The following ACSS2 variants were observed in gnomAD, a reference collection of about 807,000 sequenced individuals.
ACSS2 encodes the protein acetyl-coenzyme A synthetase, cytoplasmic.
Under a neutral mutation model 90.6 loss-of-function variants are expected in ACSS2, and 58 were observed. The ratio of observed to expected loss-of-function variants is 0.64; its 90% confidence interval spans 0.52 to 0.80. The LOEUF is 0.80. ACSS2 is among the 30% of genes least tolerant of loss of function. The pLI, the probability that ACSS2 is intolerant of heterozygous loss-of-function variation, is 0.00. For missense variants in ACSS2, 759 were observed against 912.0 expected (o/e 0.83, Z 2.16); for synonymous variants, 300 against 330.9 (o/e 0.91, Z 1.01).
chr20:34,882,803 G>A lies in ACSS2; in HGVS notation c.188G>A (p.Gly63Glu). 6.2e-7 allele frequency: 1 copy of A among 1,612,222 alleles called. No homozygotes were observed. Among genetic ancestry groups the A allele is most frequent in the Non-Finnish European group, 8.5e-7 (1 of 1,179,484 alleles). Residue 63 changes from glycine (G) to glutamate (E), a missense_variant, in exon 2 of 18, where the codon GGA becomes GAA. Transcript: ENST00000360596. The stretch of plus-strand genomic sequence containing the variant: ...TCCATTTCTGTTGCAGAATTCTGGG[G>A]AGACATTGCCAAGGAATTTTACTGG... ...RSVEEPREFW[G>E]DIAKEFYWKT...
chr20:34,915,118 G>A, intron 7 of ACSS2: 1 of 1,292,442 alleles, frequency 7.7e-7, no homozygotes, highest in Non-Finnish European at 1.1e-6. Flanking sequence ...GAGGACCAGT[G>A]AGAAGGGAGT....
chr20:34,920,832 AG>A, intron 9 of ACSS2, 123 bp downstream of exon 9: 1 of 1,455,210 alleles, frequency 6.9e-7, no homozygotes, highest in Non-Finnish European at 9.3e-7. Context: ...CTGGAGAAAG[AG>A]AAGTCCTGAG....
intron 2 of ACSS2, among the ~76,000 whole-genome samples, chr20:34,894,905 G>A (rs2080426355): frequency 2.0e-5 from 3 of 152,122 alleles, no homozygotes; most frequent in Admixed American, 6.6e-5. Flanking sequence ...CCCAATTTTA[G>A]TTTATGTAAA....
chr20:34,901,977 A>C (rs1221355104), intron 2 of ACSS2, among the ~76,000 whole-genome samples: 1 of 152,234 alleles, frequency 6.6e-6, no homozygotes, highest in Non-Finnish European at 1.5e-5. Context: ...CTCCAGGGTC[A>C]GGAAACTCCT....
chr20:34,926,725 G>A (rs2147113885), intron 16 of ACSS2, 152 bp from the exon 17 acceptor site: 1 of 709,804 alleles, frequency 1.4e-6, no homozygotes, highest in Admixed American at 2.4e-5. Context: ...AGACAAGTGT[G>A]TTGAGAGCAA....
rs796944760 is a variant in ACSS2 at position 34,899,425 on chromosome 20, TC to T, written c.375-13669del. ...TTCCTTCTTTCTTTCTTTCTTTCTT[TC>T]CTTCCTTCCTTCCTTCCTTCCTTCC... On this transcript the variant is annotated intron_variant, in intron 2 of 17. Coordinates refer to ENST00000360596, the MANE Select transcript of ACSS2 (RefSeq NM_018677.4). Among the ~76,000 whole-genome samples the T allele has an allele frequency of 5.0e-3, 531 of 105,596 alleles. 3 individuals carry two copies. The highest frequency in any genetic ancestry group is 8.3e-3 in the Middle Eastern group (2 of 242). 69.3% of individuals were successfully genotyped at this position (105,596 alleles called of 152,430 possible).
At chr20:34,914,876 A>AC (rs1214818383) in intron 7 of ACSS2, among the ~76,000 whole-genome samples, 1 of 151,770 alleles carries the variant, frequency 6.6e-6, no homozygotes, top group East Asian at 1.9e-4. Context: ...TTAGCTTTGG[A>AC]CCCCCAGGCT....
intron 2 of ACSS2, among the ~76,000 whole-genome samples, chr20:34,885,736 C>T (rs772172220): frequency 3.3e-5 from 5 of 152,154 alleles, no homozygotes. Context: ...CTATTGATAT[C>T]ACAAGAAGCA....
intron 2 of ACSS2, among the ~76,000 whole-genome samples, chr20:34,907,361 A>G (rs1206282499): frequency 6.6e-6 from 1 of 152,144 alleles, no homozygotes; most frequent in East Asian, 1.9e-4. Flanking sequence ...CAAGTGATCT[A>G]CCCACCTCAG....
intron 2 of ACSS2, among the ~76,000 whole-genome samples, chr20:34,885,915 G>A (rs1000920583): frequency 1.3e-5 from 2 of 148,360 alleles, no homozygotes; most frequent in Admixed American, 6.6e-5. Context: ...GCTGCATTAG[G>A]CATTATGGAT....
intron 2 of ACSS2, among the ~76,000 whole-genome samples, chr20:34,901,807 C>T (rs920304150): frequency 6.6e-6 from 1 of 152,154 alleles, no homozygotes. Context: ...CAGGGTTACC[C>T]TGGCCCAACC....
chr20:34,923,423 C>T lies in ACSS2; in HGVS notation c.1649C>T (p.Thr550Ile). 1 of 1,613,328 alleles carries T rather than the reference C, an allele frequency of 6.2e-7. No individual in the cohort carries two copies. ...AAGAAGTTTCCTGGATACTATGTTA[C>T]AGGAGATGGTGAGCCTTAGCTATCC... ...YFKKFPGYYVTGDGCQRDQDG... is the reference protein window; with the variant it reads ...YFKKFPGYYVIGDGCQRDQDG... Residue 550 changes from threonine to isoleucine, a missense_variant, in exon 14 of 18, where the codon ACA (threonine) becomes ATA (isoleucine). Thr to Ile is a moderately conservative substitution (Grantham distance 89). Transcript: ENST00000360596.
intron 2 of ACSS2, among the ~76,000 whole-genome samples, chr20:34,883,479 T>C (rs1389473441): frequency 6.6e-6 from 1 of 152,176 alleles, no homozygotes; most frequent in Non-Finnish European, 1.5e-5. Context: ...TTCTGAGAAG[T>C]CAAGTGACAT....
intron 7 of ACSS2, 33 bp downstream of exon 7, chr20:34,914,470 C>A: frequency 6.5e-7 from 1 of 1,545,258 alleles, no homozygotes; most frequent in South Asian, 1.2e-5. Context: ...TTTCTCCAGG[C>A]TCAAATTCCT....
intron 2 of ACSS2, among the ~76,000 whole-genome samples, chr20:34,883,691 G>A (rs2080122973): frequency 6.6e-6 from 1 of 152,160 alleles, no homozygotes; most frequent in African/African-American, 2.4e-5. Flanking sequence ...TAGTGAATAA[G>A]GTCATAGAGT....
chr20:34,910,899 T>G (rs1412489828), intron 2 of ACSS2, among the ~76,000 whole-genome samples: 1 of 152,220 alleles, frequency 6.6e-6, no homozygotes, highest in African/African-American at 2.4e-5. Flanking sequence ...TACAGCTCAC[T>G]GCAGGCTTGA....
chr20:34,925,958 T>TG (rs34675937), intron 15 of ACSS2, 147 bp from the exon 16 acceptor site: 9 of 1,006,636 alleles, frequency 8.9e-6, no homozygotes, highest in Non-Finnish European at 1.2e-5. Flanking sequence ...ACTTGGATGG[T>TG]GGGGTGACTG....
Position 34,876,826 on chromosome 20 carries a change from G to C in ACSS2, c.178+3G>C. On this transcript the variant is annotated splice_donor_region_variant and intron_variant, in intron 1 of 17. Coordinates refer to ENST00000360596, the MANE Select transcript of ACSS2 (RefSeq NM_018677.4). ...GCGCTCCGTGGAGGAGCCGCGGGGT[G>C]AGGCCCGGCCCGGGCGGGCCTGGGG... 7.7e-7 allele frequency: 1 copy of C among 1,300,028 alleles called. No individual in the cohort carries two copies. Among genetic ancestry groups the C allele is most frequent in the Non-Finnish European group, 9.8e-7 (1 of 1,021,524 alleles). The allele number at this position is 1,300,028 out of a possible 1,614,324, so 80.5% of individuals were successfully genotyped here.
chr20:34,880,260 T>C (rs1281976165), intron 1 of ACSS2, among the ~76,000 whole-genome samples: 3 of 152,200 alleles, frequency 2.0e-5, no homozygotes, highest in Non-Finnish European at 2.9e-5. Context: ...AAAAGTTTTA[T>C]GGGCTGGGCG....
Sources: allele counts gnomAD v4.1 joint callset (sites outside exome capture counted in the v4.1 genomes callset), GRCh38; gene constraint gnomAD v4.1.1; transcripts MANE v1.5; gene names NCBI Gene and HGNC (gene_info 2026-07-23, HGNC 2026-07-21).